Variants in HMCES observed in about 807,000 individuals in gnomAD.
The protein encoded by HMCES is abasic site processing protein HMCES.
A neutral mutation model predicts 35.1 loss-of-function variants in HMCES; 27 were observed. That is an observed-to-expected ratio of 0.77 (90% confidence interval 0.57 to 1.06). The LOEUF is 1.06. Ranked by LOEUF, HMCES falls within the 50% of genes least tolerant of loss-of-function variation. The pLI is 0.00. For missense variants in HMCES, 391 were observed against 430.4 expected, an observed-to-expected ratio of 0.91 and a Z score of 0.81; for synonymous variants, 130 against 154.7, an observed-to-expected ratio of 0.84 and a Z score of 1.18.
At chr3:129,299,095 C>T (rs1253876270) in intron 5 of HMCES, among the ~76,000 whole-genome samples, 1 of 152,182 alleles carries the variant, frequency 6.6e-6, no homozygotes, top group African/African-American at 2.4e-5. Flanking sequence ...TTGCAGTGAG[C>T]CAAGATCGTG....
In HMCES at chr3:129,301,943, T is replaced by A; in HGVS notation, c.636-7T>A. The A allele has an allele frequency of 6.2e-7, 1 of 1,609,452 alleles. No homozygotes were observed. Among genetic ancestry groups the A allele is most frequent in the Non-Finnish European group, 8.5e-7 (1 of 1,177,472 alleles). ...CTCCCAACCATTGTCTTAACTTCCC[T>A]GGCCAGGATGCCTGCCATATTAGAT... On this transcript the variant is annotated splice_polypyrimidine_tract_variant and splice_region_variant and intron_variant, in intron 5 of 6. Transcript: ENST00000383463.
At chr3:129,300,419 A>G (rs973570945) in intron 5 of HMCES, among the ~76,000 whole-genome samples, 4 of 152,172 alleles carry the variant, frequency 2.6e-5, no homozygotes, top group African/African-American at 9.7e-5. Context: ...TGGCATTGGA[A>G]CAGATTTGCA....
intron 6 of HMCES, among the ~76,000 whole-genome samples, chr3:129,303,883 C>T (rs956920479): frequency 1.3e-5 from 2 of 152,128 alleles, no homozygotes; most frequent in Admixed American, 6.6e-5. Flanking sequence ...GCTGGGACTA[C>T]AAGCGTACAC....
chr3:129,289,737 CAT>C (rs1209459839), intron 3 of HMCES, among the ~76,000 whole-genome samples: 2 of 152,060 alleles, frequency 1.3e-5, no homozygotes, highest in Non-Finnish European at 2.9e-5. Context: ...GAGGTGTCTA[CAT>C]AGGGTGTGAA....
At chr3:129,296,978 T>G (rs931486454) in intron 4 of HMCES, among the ~76,000 whole-genome samples, 1 of 152,140 alleles carries the variant, frequency 6.6e-6, no homozygotes, top group Non-Finnish European at 1.5e-5. Context: ...GACCTCGTGA[T>G]CCGCCTGCCT....
intron 5 of HMCES, among the ~76,000 whole-genome samples, chr3:129,298,904 G>GGAT (rs772027832): frequency 4.6e-5 from 7 of 152,178 alleles, no homozygotes; most frequent in Non-Finnish European, 8.8e-5. Flanking sequence ...CAGCACTTTG[G>GGAT]GATGCTGAGG....
chr3:129,295,308 G>A (rs375936566), intron 4 of HMCES, among the ~76,000 whole-genome samples: 1 of 151,536 alleles, frequency 6.6e-6, no homozygotes, highest in African/African-American at 2.4e-5. Flanking sequence ...ATGGTGGCTC[G>A]TGCCTGTGGT....
chr3:129,290,973 C>T (rs915383769), intron 4 of HMCES, among the ~76,000 whole-genome samples, 169 bp downstream of exon 4: 3 of 152,080 alleles, frequency 2.0e-5, no homozygotes, highest in Non-Finnish European at 4.4e-5. Context: ...GAGCCCAAGA[C>T]GGGAAGATTG....
intron 6 of HMCES, among the ~76,000 whole-genome samples, chr3:129,304,323 T>C (rs2071208338): frequency 1.3e-5 from 2 of 152,232 alleles, no homozygotes; most frequent in South Asian, 4.1e-4. Flanking sequence ...TGCTTCATTC[T>C]CTGCACATTT....
rs557030346 is a variant in HMCES at position 129,287,157 on chromosome 3, A to G, written c.184-1697A>G. On this transcript the variant is annotated intron_variant, in intron 2 of 6. Transcript: ENST00000383463. ...CTGCAAGCATGTTACTTTCTCCAGC[A>G]ACGAAAAATGTAGTAATGTATATGT... Among the ~76,000 whole-genome samples the G allele has an allele frequency of 1.9e-4, 29 of 152,268 alleles. No homozygotes were observed. The Middle Eastern group carries it at 0.01, about 54-fold the overall frequency.
Position 129,298,458 on chromosome 3 carries a change from A to C in HMCES, c.558A>C (p.Pro186=). ...MAGIFDCWEP[P]EGGDVLYSYT... is the part of the protein sequence containing the mutation. ...GGATCTTTGACTGCTGGGAGCCCCC[A>C]GAGGGAGGAGATGTCCTGTATTCCT... is the stretch of plus-strand genomic sequence containing the variant. The change falls in exon 5 of 7, where the codon CCA becomes CCC. Residue 186 remains proline (P), a synonymous_variant. Transcript: ENST00000383463. 6.2e-7 allele frequency: 1 copy of C among 1,614,176 alleles called. No homozygotes were observed. The highest frequency in any genetic ancestry group is 8.5e-7 in the Non-Finnish European group (1 of 1,180,020).
At chr3:129,297,142 C>T (rs193139553) in intron 4 of HMCES, among the ~76,000 whole-genome samples, 1 of 152,226 alleles carries the variant, frequency 6.6e-6, no homozygotes, top group Non-Finnish European at 1.5e-5. Flanking sequence ...CTCCTCTCTT[C>T]AGTTGTTGGA....
intron 5 of HMCES, 140 bp downstream of exon 5, chr3:129,298,675 C>A: frequency 1.4e-6 from 1 of 707,920 alleles, no homozygotes; most frequent in Non-Finnish European, 2.3e-6. Context: ...ACATGACATA[C>A]ATTCCTAAAA....
intron 5 of HMCES, among the ~76,000 whole-genome samples, chr3:129,301,219 A>AAAC (rs1553801670): frequency 0.014 from 2,013 of 147,840 alleles, 41 homozygotes; most frequent in African/African-American, 0.049. Flanking sequence ...AGAAAAAAAA[A>AAAC]AAAATATGCT....
chr3:129,286,699 C>G (rs993651940), intron 2 of HMCES, among the ~76,000 whole-genome samples: 35 of 152,244 alleles, frequency 2.3e-4, no homozygotes, highest in African/African-American at 7.7e-4. Flanking sequence ...CATCCAAATC[C>G]ATTTGTACTA....
intron 3 of HMCES, 103 bp downstream of exon 3, chr3:129,289,100 A>G: frequency 2.1e-6 from 2 of 961,180 alleles, no homozygotes; most frequent in Non-Finnish European, 3.0e-6. Context: ...TAAATAAATA[A>G]CACAAAAAAG....
chr3:129,279,806 G>A lies in HMCES; in HGVS notation c.74G>A (p.Gly25Asp). Residue 25 changes from glycine to aspartate, a missense_variant, in exon 2 of 7, where the codon GGC (glycine) becomes GAC (aspartate). By Grantham distance (94) the Gly-to-Asp change is moderately conservative (BLOSUM62 -1). Transcript: ENST00000383463. The surrounding 1 kb of genome is among the most constrained non-coding windows in gnomAD (Gnocchi z 4.2). Reference sequence around the variant, plus strand: ...GCTTGCGCCTACCAGGATCGGCGGGGCCAGCAGCGGCTCCCGGAGTGGAGG... The same window carrying A: ...GCTTGCGCCTACCAGGATCGGCGGGACCAGCAGCGGCTCCCGGAGTGGAGG... Reference protein sequence around the residue: ...TRACAYQDRRGQQRLPEWRDP... With the variant: ...TRACAYQDRRDQQRLPEWRDP... The A allele has an allele frequency of 6.2e-7, 1 of 1,613,654 alleles. No individual in the cohort carries two copies. The highest frequency in any genetic ancestry group is 1.7e-5 in the Admixed American group (1 of 59,926).
rs1940716038 is a variant in HMCES at position 129,288,862 on chromosome 3, C to G, written c.192C>G (p.Asp64Glu). 2 of 1,536,328 alleles carry G rather than the reference C, an allele frequency of 1.3e-6. No individual in the cohort carries two copies. The stretch of plus-strand genomic sequence containing the variant: ...TCTTCTCTCCGTGGCAGGATGCAGA[C>G]TCATCTGAGCGTATCATTGCTCCCA... ...LSRLHFEKDA[D>E]SSERIIAPMR... Residue 64 changes from aspartate (D) to glutamate (E), a missense_variant, in exon 3 of 7, where the codon GAC (aspartate) becomes GAG (glutamate). Asp to Glu is a conservative substitution (Grantham distance 45, BLOSUM62 2). Transcript: ENST00000383463.
intron 4 of HMCES, among the ~76,000 whole-genome samples, chr3:129,295,030 G>T (rs2071075124): frequency 6.6e-6 from 1 of 151,726 alleles, no homozygotes; most frequent in Non-Finnish European, 1.5e-5. Context: ...GTGGTGGCGG[G>T]CACCTGTAGT....
Sources: allele counts gnomAD v4.1 joint callset (sites outside exome capture counted in the v4.1 genomes callset), GRCh38; gene constraint gnomAD v4.1.1; non-coding constraint Gnocchi (gnomAD v3.1); transcripts MANE v1.5; gene names NCBI Gene and HGNC (gene_info 2026-07-23, HGNC 2026-07-21).